The following CCN1 variants were observed in gnomAD, a reference collection of about 807,000 sequenced individuals.
CCN1 encodes the protein cellular communication network factor 1.
In CCN1, 12 loss-of-function variants were observed where a neutral mutation model predicts 38.1. The ratio of observed to expected loss-of-function variants is 0.31; its 90% CI spans 0.20 to 0.51. The LOEUF is 0.51. CCN1 is among the 20% of genes least tolerant of loss of function. The pLI, the probability that CCN1 is intolerant of heterozygous loss-of-function variation, is 0.97. For missense variants in CCN1, 466 were observed against 490.9 expected (o/e 0.95, Z 0.48); for synonymous variants, 202 against 196.1 (o/e 1.03, Z -0.25).
intron 2 of CCN1, 141 bp downstream of exon 2, chr1:85,581,719 T>A (rs1659794675): frequency 8.5e-7 from 1 of 1,176,336 alleles, no homozygotes; most frequent in Admixed American, 2.0e-5. Context: ...CAGTCTGGAA[T>A]GCAATTCAGT....
intron 1 of CCN1, 140 bp downstream of exon 1, chr1:85,581,187 TC>T: frequency 1.7e-6 from 2 of 1,195,076 alleles, no homozygotes; most frequent in Non-Finnish European, 1.1e-6. Flanking sequence ...ACTCTCCCCC[TC>T]CCCCCGAAGA....
chr1:85,581,155 G>A, intron 1 of CCN1, 108 bp downstream of exon 1: 2 of 1,372,122 alleles, frequency 1.5e-6, no homozygotes, highest in South Asian at 2.9e-5. Context: ...GCGATCGTTT[G>A]CGGGTAGCCG....
rs754959588 is a variant in CCN1, at chr1:85,581,424, G to A, written c.123G>A (p.Pro41=). The change falls in exon 2 of 5, where the codon CCG becomes CCA. Residue 41 remains proline, a synonymous_variant. Coordinates refer to ENST00000451137, the MANE Select transcript of CCN1 (RefSeq NM_001554.5). ...HCPLEAPKCA[P]GVGLVRDGCG... ...CCCTGGAGGCGCCCAAGTGCGCGCC[G>A]GGAGTCGGGCTGGTCCGGGACGGCT... 1.9e-6 allele frequency: 3 copies of A among 1,608,392 alleles called. No homozygotes were observed. Among genetic ancestry groups the A allele is most frequent in the Admixed American group, 1.7e-5 (1 of 59,582 alleles).
rs575763977 is a variant in CCN1, at chr1:85,583,115, A to G, written c.*73A>G. On this transcript the variant is annotated 3_prime_UTR_variant, in exon 5 of 5. Coordinates refer to ENST00000451137, the MANE Select transcript of CCN1 (RefSeq NM_001554.5). ...GTGTCAGAATCAGAATCATGGAGAA[A>G]ATGGGCGGGGGTGGTGTGGGTGATG... 6.7e-7 allele frequency: 1 copy of G among 1,492,992 alleles called. No individual in the cohort carries two copies. Among genetic ancestry groups the G allele is most frequent in the Admixed American group, 1.8e-5 (1 of 56,414 alleles). 92.5% of individuals were successfully genotyped at this position (1,492,992 alleles called of 1,614,324 possible). A position where few individuals can be genotyped will look rare whatever the true frequency, so the allele number is the denominator to read the frequency against.
chr1:85,581,959 C>T lies in CCN1; in HGVS notation c.309C>T (p.Asn103=). The T allele has an allele frequency of 1.2e-6, 2 of 1,614,198 alleles. No homozygotes were observed. The highest frequency in any genetic ancestry group is 1.7e-6 in the Non-Finnish European group (2 of 1,180,018). ...CAGAGGGCAGACCCTGTGAATATAA[C>T]TCCAGAATCTACCAAAACGGGGAAA... The part of the protein sequence containing the change: ...AQSEGRPCEY[N]SRIYQNGESF... The change falls in exon 3 of 5, where the codon AAC becomes AAT. Residue 103 remains asparagine, a synonymous_variant. Transcript: ENST00000451137.
chr1:85,580,855 C>T lies in CCN1; in HGVS notation c.-130C>T, dbSNP rs1000846287. On this transcript the variant is annotated 5_prime_UTR_variant, in exon 1 of 5. Transcript: ENST00000451137. ...GAAAGACGCCCGCCCGCCGCCCAGC[C>T]CTCGCCTCCCTGCCCACCGGGCCCA... 2.4e-6 allele frequency: 2 copies of T among 818,018 alleles called. No individual in the cohort carries two copies. Among genetic ancestry groups the T allele is most frequent in the Admixed American group, 8.6e-5 (2 of 23,198 alleles). 50.7% of individuals were successfully genotyped at this position (818,018 alleles called of 1,614,324 possible). A position where few individuals can be genotyped will look rare whatever the true frequency, so the allele number is the denominator to read the frequency against.
At position 85,582,575 on chromosome 1, in the gene CCN1, G is replaced by A. The variant is rs1659814079; in HGVS notation, c.794G>A (p.Arg265Gln). The change falls in exon 4 of 5, where the codon CGG (arginine) becomes CAG (glutamine). Residue 265 changes from arginine to glutamine, a missense_variant. Transcript: ENST00000451137. ...NPECRLVKET[R>Q]ICEVRPCGQP... ...GAGTGCCGCCTTGTGAAAGAAACCC[G>A]GATTTGTGAGGTGCGGCCTTGTGGA... 2.5e-6 allele frequency: 4 copies of A among 1,614,052 alleles called. No homozygotes were observed. The highest frequency in any genetic ancestry group is 2.5e-6 in the Non-Finnish European group (3 of 1,180,056).
chr1:85,582,402 TTA>T lies in CCN1; in HGVS notation c.635-10_635-9del, dbSNP rs747698663. The T allele has an allele frequency of 1.6e-5, 26 of 1,613,926 alleles. No individual in the cohort carries two copies. Among genetic ancestry groups the T allele is most frequent in the Non-Finnish European group, 2.1e-5 (25 of 1,179,976 alleles). On this transcript the variant is annotated splice_polypyrimidine_tract_variant and intron_variant, in intron 3 of 4. Coordinates refer to ENST00000451137, the MANE Select transcript of CCN1 (RefSeq NM_001554.5). ...GTATGCCTCTGAGAAGTCTTCCCTC[TTA>T]TATGTCTCTAGTTTTTGGAATGGAG...
chr1:85,582,595 T>A lies in CCN1; in HGVS notation c.814T>A (p.Cys272Ser). The change falls in exon 4 of 5, where the codon TGT becomes AGT. Residue 272 changes from cysteine (C) to serine (S), a missense_variant. Cys to Ser is a moderately radical substitution (Grantham distance 112). Around this residue, in one of 3 missense-constraint regions of CCN1, gnomAD observed 309 missense variants for 319.9 expected, o/e 0.97. Coordinates refer to ENST00000451137, the MANE Select transcript of CCN1 (RefSeq NM_001554.5). ...AACCCGGATTTGTGAGGTGCGGCCT[T>A]GTGGACAGCCAGTGTACAGCAGCCT... ...KETRICEVRP[C>S]GQPVYSSLKK... is the part of the protein sequence containing the mutation. The A allele has an allele frequency of 1.2e-6, 2 of 1,614,152 alleles. No individual in the cohort carries two copies. The highest frequency in any genetic ancestry group is 1.7e-6 in the Non-Finnish European group (2 of 1,180,044).
rs753415023 is a variant in CCN1 at position 85,582,049 on chromosome 1, G to C, written c.399G>C (p.Leu133=). Residue 133 remains leucine (L), a synonymous_variant, in exon 3 of 5, where the codon CTG becomes CTC. Coordinates refer to ENST00000451137, the MANE Select transcript of CCN1 (RefSeq NM_001554.5). ...CIDGAVGCIP[L]CPQELSLPNL... is the part of the protein sequence containing the mutation. Reference sequence around the variant, plus strand: ...ATGGCGCCGTGGGCTGCATTCCTCTGTGTCCCCAAGAACTATCTCTCCCCA... The same window carrying C: ...ATGGCGCCGTGGGCTGCATTCCTCTCTGTCCCCAAGAACTATCTCTCCCCA... The C allele has an allele frequency of 1.2e-6, 2 of 1,614,118 alleles. No homozygotes were observed. The highest frequency in any genetic ancestry group is 1.7e-6 in the Non-Finnish European group (2 of 1,180,036).
chr1:85,582,802 A>T lies in CCN1; in HGVS notation c.906A>T (p.Gly302=). 6.2e-7 allele frequency: 1 copy of T among 1,614,200 alleles called. No individual in the cohort carries two copies. The highest frequency in any genetic ancestry group is 8.5e-7 in the Non-Finnish European group (1 of 1,180,052). Residue 302 remains glycine (G), a synonymous_variant, in exon 5 of 5, where the codon GGA becomes GGT. Transcript: ENST00000451137. ...SPEPVRFTYA[G]CLSVKKYRPK... Reference sequence around the variant, plus strand: ...AACCAGTCAGGTTTACTTACGCTGGATGTTTGAGTGTGAAGAAATACCGGC... The same window carrying T: ...AACCAGTCAGGTTTACTTACGCTGGTTGTTTGAGTGTGAAGAAATACCGGC...
Position 85,581,494 on chromosome 1 carries a change from A to C in CCN1, c.193A>C (p.Ser65Arg). 6.2e-7 allele frequency: 1 copy of C among 1,613,714 alleles called. No individual in the cohort carries two copies. Among genetic ancestry groups the C allele is most frequent in the Non-Finnish European group, 8.5e-7 (1 of 1,179,986 alleles). ...CGCCAAGCAGCTCAACGAGGACTGC[A>C]GCAAAACGCAGCCCTGCGACCACAC... Reference protein sequence around the residue: ...VCAKQLNEDCSKTQPCDHTKG... With the variant: ...VCAKQLNEDCRKTQPCDHTKG... The change falls in exon 2 of 5, where the codon AGC becomes CGC. Residue 65 changes from serine (S) to arginine (R), a missense_variant. This residue lies in a region of CCN1 where 146 missense variants were observed against 141.1 expected (regional missense o/e 1.03). Coordinates refer to ENST00000451137, the MANE Select transcript of CCN1 (RefSeq NM_001554.5).
chr1:85,580,916 G>C lies in CCN1; in HGVS notation c.-69G>C. ...ACCCCGACCCCGCTGCGCACGGCCT[G>C]TCCGCTGCACACCAGCTTGTTGGCG... On this transcript the variant is annotated 5_prime_UTR_variant, in exon 1 of 5. Transcript: ENST00000451137. The C allele has an allele frequency of 7.0e-7, 1 of 1,438,752 alleles. No individual in the cohort carries two copies. Among genetic ancestry groups the C allele is most frequent in the South Asian group, 1.5e-5 (1 of 67,822 alleles). The allele number at this position is 1,438,752 out of a possible 1,614,324, so 89.1% of individuals were successfully genotyped here.
Position 85,582,541 on chromosome 1 carries a change from G to A in CCN1, c.760G>A (p.Asp254Asn). ...TGGTATCTCCACACGAGTTACCAAT[G>A]ACAACCCTGAGTGCCGCCTTGTGAA... Reference protein sequence around the residue: ...GTGISTRVTNDNPECRLVKET... With the variant: ...GTGISTRVTNNNPECRLVKET... Residue 254 changes from aspartate (D) to asparagine (N), a missense_variant, in exon 4 of 5, where the codon GAC becomes AAC. Asp to Asn is a conservative substitution (Grantham distance 23). Around this residue, in one of 3 missense-constraint regions of CCN1, gnomAD observed 309 missense variants for 319.9 expected, o/e 0.97. Coordinates refer to ENST00000451137, the MANE Select transcript of CCN1 (RefSeq NM_001554.5). 1 of 1,614,174 alleles carries A rather than the reference G, an allele frequency of 6.2e-7. No individual in the cohort carries two copies.
intron 1 of CCN1, 81 bp downstream of exon 1, chr1:85,581,128 GAA>G (rs1432481581): frequency 2.7e-6 from 4 of 1,479,338 alleles, no homozygotes; most frequent in African/African-American, 1.4e-5. Context: ...CCCACGGCAG[GAA>G]AAGTTAAAAA....
chr1:85,581,868 C>A, intron 2 of CCN1, 60 bp from the exon 3 acceptor site: 2 of 1,503,448 alleles, frequency 1.3e-6, no homozygotes, highest in Non-Finnish European at 1.9e-6. Flanking sequence ...GAGTTTCAGG[C>A]GGTGGTTTGG....
chr1:85,582,321 G>A, intron 3 of CCN1, 37 bp downstream of exon 3: 1 of 1,613,302 alleles, frequency 6.2e-7, no homozygotes, highest in Non-Finnish European at 8.5e-7. Context: ...ACTGTACTGA[G>A]ATGCATTTCT....
chr1:85,581,312 C>A, intron 1 of CCN1, 53 bp from the exon 2 acceptor site: 1 of 1,486,562 alleles, frequency 6.7e-7, no homozygotes, highest in Non-Finnish European at 9.0e-7. Flanking sequence ...GCAGCCGCGG[C>A]GCCCCTCCTG....
chr1:85,582,722 CT>C lies in CCN1; in HGVS notation c.844-17del, dbSNP rs748958257. The C allele has an allele frequency of 1.2e-6, 2 of 1,612,368 alleles. No individual in the cohort carries two copies. Among genetic ancestry groups the C allele is most frequent in the African/African-American group, 2.7e-5 (2 of 74,960 alleles). On this transcript the variant is annotated splice_polypyrimidine_tract_variant and intron_variant, in intron 4 of 4. Coordinates refer to ENST00000451137, the MANE Select transcript of CCN1 (RefSeq NM_001554.5). ...AGAAATATCACCCCTAACTTTCCTT[CT>C]CTCCTTTCTCTTACAGAAGGGCAAG...
Sources: gnomAD v4.1 joint callset for allele counts on GRCh38, gnomAD v4.1.1 for gene constraint, gnomAD v4.1.1 regional missense constraint, MANE v1.5 for transcripts, NCBI Gene and HGNC (gene_info 2026-07-23, HGNC 2026-07-21) for gene names.